The following TMCO1 variants were observed in gnomAD, a reference collection of about 807,000 sequenced individuals.
The protein encoded by TMCO1 is transmembrane and coiled-coil domains 1.
TMCO1 carries 29 observed loss-of-function variants against 29.3 expected under a neutral mutation model. That is an observed-to-expected ratio of 0.99 (90% CI 0.74 to 1.35). The LOEUF is 1.35. Among genes scored for constraint, TMCO1 ranks in the 40% most tolerant of loss-of-function variants. The pLI is 0.00. For missense variants in TMCO1, 173 were observed against 225.5 expected (o/e 0.77, Z 1.49); for synonymous variants, 80 against 77.1 (o/e 1.04, Z -0.20).
chr1:165,768,339 G>A (rs750196031), intron 1 of TMCO1, 70 bp from the exon 2 acceptor site: 75 of 1,545,074 alleles, frequency 4.9e-5, no homozygotes, highest in African/African-American at 1.4e-4. Context: ...AGTGGTTACT[G>A]TTGGAGAAGG....
At chr1:165,738,163 T>A (rs1175894761) in intron 6 of TMCO1, among the ~76,000 whole-genome samples, 1 of 152,132 alleles carries the variant, frequency 6.6e-6, no homozygotes, top group Non-Finnish European at 1.5e-5. Context: ...TGTGGTGGCA[T>A]GCACCTGTAA....
At chr1:165,766,190 T>C (rs370456897) in intron 2 of TMCO1, among the ~76,000 whole-genome samples, 3 of 152,248 alleles carry the variant, frequency 2.0e-5, no homozygotes, top group Admixed American at 6.5e-5. Flanking sequence ...AGAAATGCCA[T>C]TGACCAAGAT....
chr1:165,736,502 G>A (rs984082228), intron 6 of TMCO1, among the ~76,000 whole-genome samples: 4 of 152,138 alleles, frequency 2.6e-5, no homozygotes, highest in South Asian at 2.1e-4. Context: ...TGGATCACCC[G>A]AGGTCAGGTG....
intron 2 of TMCO1, 95 bp from the exon 3 acceptor site, chr1:165,759,679 C>T: frequency 9.2e-7 from 1 of 1,081,996 alleles, no homozygotes. Context: ...AAGAAGCTTG[C>T]AAGAAAGTTA....
At chr1:165,762,915 ATATAT>A (rs1453741158) in intron 2 of TMCO1, among the ~76,000 whole-genome samples, 3 of 152,222 alleles carry the variant, frequency 2.0e-5, no homozygotes, top group Admixed American at 1.3e-4. Flanking sequence ...TTTCATTAGT[ATATAT>A]TATAATAGTA....
chr1:165,760,077 C>T (rs1320307390), intron 2 of TMCO1, among the ~76,000 whole-genome samples: 1 of 152,048 alleles, frequency 6.6e-6, no homozygotes, highest in Admixed American at 6.6e-5. Flanking sequence ...ATGACAATTA[C>T]AGTAATGTGA....
chr1:165,753,335 T>C (rs536008849), intron 4 of TMCO1, among the ~76,000 whole-genome samples: 60 of 151,870 alleles, frequency 4.0e-4, no homozygotes, highest in Admixed American at 1.5e-3. Flanking sequence ...AAGCCAGGCA[T>C]GGTGGCACAC....
At chr1:165,739,433 G>A (rs558837941) in intron 6 of TMCO1, among the ~76,000 whole-genome samples, 1 of 152,144 alleles carries the variant, frequency 6.6e-6, no homozygotes, top group Non-Finnish European at 1.5e-5. Flanking sequence ...TGTTGCCCAG[G>A]CTGGAGTGCA....
intron 5 of TMCO1, among the ~76,000 whole-genome samples, chr1:165,749,088 G>A (rs896691806): frequency 6.6e-6 from 1 of 152,038 alleles, no homozygotes; most frequent in East Asian, 1.9e-4. Flanking sequence ...TTCACCTACC[G>A]AAAGACATCT....
chr1:165,736,455 C>T (rs1009746759), intron 6 of TMCO1, among the ~76,000 whole-genome samples: 3 of 151,968 alleles, frequency 2.0e-5, no homozygotes, highest in Non-Finnish European at 2.9e-5. Context: ...CGGGGGCTCA[C>T]GCCTGTAATC....
In TMCO1 at chr1:165,757,181, C is replaced by T. The variant is rs569631167; in HGVS notation, c.208+2344G>A. 3.9e-5 allele frequency among the ~76,000 whole-genome samples: 6 copies of T among 152,286 alleles called. No homozygotes were observed. The East Asian group carries it at 1.2e-3, about 29-fold the overall frequency. ...CTAATAGAAACAGTTTCCACAATTTCTTATCAAAAGACAATTGTGTAATGT... is the reference window on the plus strand; with the variant it reads ...CTAATAGAAACAGTTTCCACAATTTTTTATCAAAAGACAATTGTGTAATGT... On this transcript the variant is annotated intron_variant, in intron 3 of 6. Coordinates refer to ENST00000367881, the MANE Select transcript of TMCO1 (RefSeq NM_019026.6).
At chr1:165,758,359 C>T (rs938492576) in intron 3 of TMCO1, among the ~76,000 whole-genome samples, 1 of 152,018 alleles carries the variant, frequency 6.6e-6, no homozygotes, top group Non-Finnish European at 1.5e-5. Context: ...AGTTCGAGAC[C>T]AGCCTGGCTA....
At chr1:165,730,165 C>A (rs1386739902) in intron 6 of TMCO1, among the ~76,000 whole-genome samples, 77 of 103,012 alleles carry the variant, frequency 7.5e-4, no homozygotes, top group South Asian at 2.3e-3. Context: ...ACTAAAAATA[C>A]ACACACACAA....
At chr1:165,731,236 C>T (rs138985993) in intron 6 of TMCO1, among the ~76,000 whole-genome samples, 243 of 152,240 alleles carry the variant, frequency 1.6e-3, no homozygotes, top group Non-Finnish European at 1.5e-3. Context: ...CCTTAAAGCT[C>T]ACCTCTAAAA....
At position 165,727,366 on chromosome 1, in the gene TMCO1, C is replaced by G. The variant is rs1246573836; in HGVS notation, c.*657G>C. Reference sequence around the variant, plus strand: ...TAAACTCCAACGAGTTATTACGTTCCTTTCCACTCTTGCTTTCCAATTCCT... The same window carrying G: ...TAAACTCCAACGAGTTATTACGTTCGTTTCCACTCTTGCTTTCCAATTCCT... On this transcript the variant is annotated 3_prime_UTR_variant, in exon 7 of 7. Transcript: ENST00000367881. 2.2e-6 allele frequency: 1 copy of G among 453,946 alleles called. No homozygotes were observed. The highest frequency in any genetic ancestry group is 1.6e-5 in the South Asian group (1 of 64,466). The allele number at this position is 453,946 out of a possible 1,614,324, so 28.1% of individuals were successfully genotyped here. A position where few individuals can be genotyped will look rare whatever the true frequency, so the allele number is the denominator to read the frequency against.
chr1:165,724,461 G>A (rs908819247), downstream of TMCO1: 1 of 454,076 alleles, frequency 2.2e-6, no homozygotes, highest in Non-Finnish European at 4.4e-6. Context: ...TTGTAAGAGG[G>A]CAGAGAGATG....
intron 6 of TMCO1, among the ~76,000 whole-genome samples, chr1:165,742,038 C>G (rs568984055): frequency 5.9e-5 from 9 of 152,244 alleles, no homozygotes; most frequent in African/African-American, 9.6e-5. Context: ...AATGCAAGAA[C>G]AAACTAATAC....
chr1:165,757,780 G>A (rs759356996), intron 3 of TMCO1, among the ~76,000 whole-genome samples: 4 of 152,212 alleles, frequency 2.6e-5, no homozygotes, highest in Admixed American at 6.5e-5. Flanking sequence ...TTACAAGCGT[G>A]AGCCACCATG....
rs759505082 is a variant in TMCO1, at chr1:165,752,122, T to A, written c.303A>T (p.Leu101=). Reference sequence around the variant, plus strand: ...CTCACATGGAATTGAACATTCCCATTAGGGCAGTAAAACAAAAGCCAATAG... The same window carrying A: ...CTCACATGGAATTGAACATTCCCATAAGGGCAGTAAAACAAAAGCCAATAG... ...MFAIGFCFTA[L]MGMFNSIFDG... is the part of the protein sequence containing the mutation. The change falls in exon 5 of 7, where the codon CTA becomes CTT. Residue 101 remains leucine (L), a synonymous_variant. Coordinates refer to ENST00000367881, the MANE Select transcript of TMCO1 (RefSeq NM_019026.6). The A allele has an allele frequency of 1.9e-6, 3 of 1,613,556 alleles. No homozygotes were observed. In the South Asian group the frequency reaches 3.3e-5, roughly 18 times the overall value.
Sources: gnomAD v4.1 joint callset for allele counts (sites outside exome capture counted in the v4.1 genomes callset) on GRCh38, gnomAD v4.1.1 for gene constraint, MANE v1.5 for transcripts, NCBI Gene and HGNC (gene_info 2026-07-23, HGNC 2026-07-21) for gene names.